TMC5: variants seen among roughly 807,000 people sequenced by gnomAD.
TMC5 encodes the protein transmembrane channel like 5.
Under a neutral mutation model 110.5 loss-of-function variants are expected in TMC5, and 86 were observed. The observed-to-expected ratio is 0.78, with a 90% CI of 0.65 to 0.93. The LOEUF (loss-of-function observed/expected upper bound fraction) is 0.93. Ranked by LOEUF, TMC5 falls within the 40% of genes least tolerant of loss-of-function variation. The probability of loss-of-function intolerance (pLI) is 0.00; values close to 1 mark genes in which losing one functional copy is unlikely to be tolerated. For synonymous variants in TMC5, 455 were observed against 439.5 expected, an observed-to-expected ratio of 1.04 and a Z score of -0.44; for missense variants, 1,144 against 1,222.8, an observed-to-expected ratio of 0.94 and a Z score of 0.96.
At position 19,440,252 on chromosome 16, in the gene TMC5, C is replaced by G. The variant is rs184954993; in HGVS notation, c.214C>G (p.Pro72Ala). 1 of 1,614,138 alleles carries G rather than the reference C, an allele frequency of 6.2e-7. No homozygotes were observed. Among genetic ancestry groups the G allele is most frequent in the Non-Finnish European group, 8.5e-7 (1 of 1,180,028 alleles). ...AGACTATCCTGGGTCTCTGGCAGAA[C>G]CAAATTATCCTAGATCTCTGAGTAA... The part of the protein sequence containing the change: ...RPDYPGSLAE[P>A]NYPRSLSNPD... Residue 72 changes from proline (P) to alanine (A), a missense_variant, in exon 3 of 22, where the codon CCA (proline) becomes GCA (alanine). Transcript: ENST00000542583.
intron 2 of TMC5, among the ~76,000 whole-genome samples, chr16:19,435,470 C>T (rs961643096): frequency 2.6e-5 from 4 of 151,920 alleles, no homozygotes; most frequent in African/African-American, 9.7e-5. Flanking sequence ...CCACTGGACT[C>T]CAGCCTGGGC....
At chr16:19,411,898 A>G (rs1966856695) in intron 1 of TMC5, among the ~76,000 whole-genome samples, 1 of 152,192 alleles carries the variant, frequency 6.6e-6, no homozygotes, top group Non-Finnish European at 1.5e-5. Flanking sequence ...AGGTTGAATA[A>G]GTCACCCCAT....
At chr16:19,447,145 C>A (rs1202378593) in intron 4 of TMC5, among the ~76,000 whole-genome samples, 1 of 152,140 alleles carries the variant, frequency 6.6e-6, no homozygotes, top group Non-Finnish European at 1.5e-5. Flanking sequence ...TCTTACGGGT[C>A]TGCAAGGTTG....
intron 1 of TMC5, among the ~76,000 whole-genome samples, chr16:19,418,338 T>C (rs943256643): frequency 1.3e-5 from 2 of 152,126 alleles, no homozygotes; most frequent in Non-Finnish European, 2.9e-5. Flanking sequence ...AATCTGGGCT[T>C]CCCCAGGTCT....
rs1487521505 is a variant in TMC5, at chr16:19,492,929, TATATCTCTCTATAA to T, written c.2826+702_2826+715del. On this transcript the variant is annotated intron_variant, in intron 19 of 21. Coordinates refer to ENST00000542583, the MANE Select transcript of TMC5 (RefSeq NM_001261841.2). ...ATTAAAACTTAGATATATATATATA[TATATCTCTCTATAA>T]GATAAATACTTTTATTTCATTTATT... Among the ~76,000 whole-genome samples, 16 of 114,760 alleles carry T rather than the reference TATATCTCTCTATAA, an allele frequency of 1.4e-4. 3 individuals carry two copies. The highest frequency in any genetic ancestry group is 6.9e-4 in the South Asian group (2 of 2,886). The allele number at this position is 114,760 out of a possible 152,430, so 75.3% of individuals were successfully genotyped here.
Position 19,439,963 on chromosome 16 carries a change from A to G in TMC5, c.-76A>G, listed in dbSNP as rs201393699. ...TTCTTTTCTTCTTGTTTTTCAGGTG[A>G]AAAAAAAAAAAGATCCCTGAGTAAT... is the stretch of plus-strand genomic sequence containing the variant. On this transcript the variant is annotated 5_prime_UTR_variant, in exon 3 of 22. Transcript: ENST00000542583. 6 of 369,048 alleles carry G rather than the reference A, an allele frequency of 1.6e-5. No individual in the cohort carries two copies. The highest frequency in any genetic ancestry group is 8.9e-5 in the East Asian group (1 of 11,296). The allele number at this position is 369,048 out of a possible 1,614,324, so 22.9% of individuals were successfully genotyped here.
chr16:19,444,059 G>A, intron 3 of TMC5, 22 bp from the exon 4 acceptor site: 1 of 1,609,108 alleles, frequency 6.2e-7, no homozygotes, highest in Non-Finnish European at 8.5e-7. Flanking sequence ...GTTGGATAGT[G>A]ATCCATCATT....
chr16:19,447,600 T>C (rs1360985701), intron 4 of TMC5, among the ~76,000 whole-genome samples: 5 of 152,170 alleles, frequency 3.3e-5, no homozygotes, highest in Admixed American at 3.3e-4. Context: ...TTATTTATTT[T>C]TCAGACAAAA....
At chr16:19,479,109 C>G (rs1271167137) in intron 13 of TMC5, among the ~76,000 whole-genome samples, 1 of 152,118 alleles carries the variant, frequency 6.6e-6, no homozygotes, top group Non-Finnish European at 1.5e-5. Context: ...AAACCGATTA[C>G]CCTTGGCTGA....
At chr16:19,433,809 C>T (rs887522169) in intron 2 of TMC5, among the ~76,000 whole-genome samples, 3 of 151,062 alleles carry the variant, frequency 2.0e-5, no homozygotes, top group South Asian at 2.1e-4. Context: ...GATTATAAGA[C>T]ATTTCCTATT....
At chr16:19,460,928 G>A (rs1674846005) in intron 6 of TMC5, among the ~76,000 whole-genome samples, 2 of 152,160 alleles carry the variant, frequency 1.3e-5, no homozygotes, top group African/African-American at 4.8e-5. Flanking sequence ...GGCCAAGGTG[G>A]TGGGATTAGT....
chr16:19,412,895 A>T (rs538067790), upstream of TMC5, among the ~76,000 whole-genome samples: 1 of 152,182 alleles, frequency 6.6e-6, no homozygotes, highest in East Asian at 1.9e-4. Context: ...CCCAAGTTGC[A>T]GTGCAGTGGC....
intron 19 of TMC5, among the ~76,000 whole-genome samples, chr16:19,492,967 T>TAAA (rs1968952981): frequency 8.6e-6 from 1 of 115,670 alleles, no homozygotes; most frequent in Admixed American, 9.1e-5. Flanking sequence ...ATTTCATTTA[T>TAAA]TTATTTATTT....
chr16:19,442,768 C>T (rs1033584361), intron 3 of TMC5, among the ~76,000 whole-genome samples: 1 of 152,142 alleles, frequency 6.6e-6, no homozygotes, highest in Non-Finnish European at 1.5e-5. Context: ...AAACTGGTGG[C>T]TTGTATTTAT....
rs946377936 is a variant in TMC5 at position 19,498,195 on chromosome 16, A to T, written c.*229A>T. 1.3e-5 allele frequency: 7 copies of T among 537,576 alleles called. No individual in the cohort carries two copies. The highest frequency in any genetic ancestry group is 2.3e-5 in the Non-Finnish European group (7 of 302,832). The allele number at this position is 537,576 out of a possible 1,614,324, so 33.3% of individuals were successfully genotyped here. On this transcript the variant is annotated 3_prime_UTR_variant, in exon 22 of 22. Coordinates refer to ENST00000542583, the MANE Select transcript of TMC5 (RefSeq NM_001261841.2). ...AAGACAAAATACTTGGGGTTTTCCA[A>T]TAAAGATTGTTGTAATATTGAAATG...
intron 12 of TMC5, chr16:19,476,888 A>C (rs1968502171): frequency 6.5e-6 from 1 of 154,280 alleles, no homozygotes; most frequent in Non-Finnish European, 1.4e-5. Flanking sequence ...GTTGATCGCC[A>C]TTCCAAAGGG....
chr16:19,435,113 C>G (rs188763061), intron 2 of TMC5, among the ~76,000 whole-genome samples: 1 of 152,044 alleles, frequency 6.6e-6, no homozygotes, highest in Non-Finnish European at 1.5e-5. Context: ...AAAACCCTAC[C>G]GCTTTTTTCA....
chr16:19,483,791 AAAG>A (rs1242295951), intron 15 of TMC5, among the ~76,000 whole-genome samples: 3 of 147,208 alleles, frequency 2.0e-5, no homozygotes, highest in Non-Finnish European at 4.5e-5. Context: ...AAAGAAAAGA[AAAG>A]AAAAGAAAAG....
intron 15 of TMC5, 27 bp downstream of exon 15, chr16:19,481,492 C>T (rs148248668): frequency 3.3e-6 from 5 of 1,498,890 alleles, no homozygotes; most frequent in East Asian, 4.5e-5. Flanking sequence ...AGCAAAATGC[C>T]CAGTGGTTCC....
Sources: gnomAD v4.1 joint callset for allele counts (sites outside exome capture counted in the v4.1 genomes callset) on GRCh38, gnomAD v4.1.1 for gene constraint, MANE v1.5 for transcripts, NCBI Gene and HGNC (gene_info 2026-07-23, HGNC 2026-07-21) for gene names.